DCDC2: variants seen among roughly 807,000 people sequenced by gnomAD.
DCDC2 encodes doublecortin domain-containing protein 2.
A neutral mutation model predicts 50.2 loss-of-function variants in DCDC2; 40 were observed. The observed-to-expected ratio is 0.80, with a 90% CI of 0.62 to 1.04. The LOEUF (loss-of-function observed/expected upper bound fraction) is 1.04, where lower values mean the gene tolerates loss of function less well. Among genes scored for constraint, DCDC2 ranks in the 50% least tolerant of loss-of-function variants. DCDC2 has a pLI of 0.00. For synonymous variants in DCDC2, 234 were observed against 210.6 expected (o/e 1.11, Z -0.96); for missense variants, 570 against 581.9 (o/e 0.98, Z 0.21).
At chr6:24,259,044 T>C (rs1417415) in intron 7 of DCDC2, among the ~76,000 whole-genome samples, 150,795 of 152,260 alleles carry the variant, frequency 0.99, 74,690 homozygotes, top group Middle Eastern at 1. Context: ...TTTGTTCATA[T>C]TATGAACTCC....
chr6:24,380,280 T>C, the DCDC2 span, among the ~76,000 whole-genome samples: 1 of 152,210 alleles, frequency 6.6e-6, no homozygotes, highest in Non-Finnish European at 1.5e-5. Context: ...TTATTTGTAA[T>C]GCCAGAAGTA....
chr6:24,275,774 A>G (rs1444909277), intron 7 of DCDC2, among the ~76,000 whole-genome samples: 1 of 152,140 alleles, frequency 6.6e-6, no homozygotes, highest in Non-Finnish European at 1.5e-5. Flanking sequence ...TGCTTCAATA[A>G]TAAACACTTT....
At chr6:24,251,638 C>T (rs920133059) in intron 7 of DCDC2, among the ~76,000 whole-genome samples, 6 of 152,172 alleles carry the variant, frequency 3.9e-5, no homozygotes, top group Non-Finnish European at 8.8e-5. Context: ...ATTCTGACAC[C>T]TGTGTCTGAA....
At chr6:24,383,037 A>G in the DCDC2 span, among the ~76,000 whole-genome samples, 7 of 152,116 alleles carry the variant, frequency 4.6e-5, no homozygotes, top group African/African-American at 1.7e-4. Context: ...AAAGAAAACT[A>G]CCCCCTAGGC....
rs555792245 is a variant in DCDC2, at chr6:24,215,155, G to A, written c.923-10053C>T. Among the ~76,000 whole-genome samples the A allele has an allele frequency of 7.2e-5, 11 of 152,230 alleles. No homozygotes were observed. In the East Asian group the frequency reaches 1.4e-3, roughly 19 times the overall value. On this transcript the variant is annotated intron_variant, in intron 7 of 9. Coordinates refer to ENST00000378454, the MANE Select transcript of DCDC2 (RefSeq NM_016356.5). ...GAGAACAAAGAAGGCTGTGAGAGAC[G>A]GAAGCTACAAATCAAAAGACAAGAC...
intron 6 of DCDC2, among the ~76,000 whole-genome samples, chr6:24,281,983 C>G (rs67939976): frequency 6.6e-6 from 1 of 152,042 alleles, no homozygotes; most frequent in Non-Finnish European, 1.5e-5. Flanking sequence ...ACTCCTATTA[C>G]ATAGTATGGT....
At chr6:24,175,185 G>A (rs1760875711) in intron 9 of DCDC2, among the ~76,000 whole-genome samples, 1 of 152,108 alleles carries the variant, frequency 6.6e-6, no homozygotes, top group Non-Finnish European at 1.5e-5. Flanking sequence ...GACAAAGGAA[G>A]AAAAAATTCA....
intron 7 of DCDC2, among the ~76,000 whole-genome samples, chr6:24,222,004 A>C (rs773475721): frequency 5.3e-5 from 8 of 152,234 alleles, no homozygotes; most frequent in Non-Finnish European, 1.0e-4. Context: ...GGATGAGAAG[A>C]AGCAAATTCG....
chr6:24,175,815 G>T (rs547518651), intron 9 of DCDC2, among the ~76,000 whole-genome samples: 1 of 152,244 alleles, frequency 6.6e-6, no homozygotes, highest in South Asian at 2.1e-4. Flanking sequence ...CAGTCCTTCT[G>T]TAAAAGTTAA....
Position 24,173,855 on chromosome 6 carries a change from G to A in DCDC2, c.*875C>T, listed in dbSNP as rs1394590341. On this transcript the variant is annotated 3_prime_UTR_variant, in exon 10 of 10. Coordinates refer to ENST00000378454, the MANE Select transcript of DCDC2 (RefSeq NM_016356.5). ...TTCTTCCTAATACACTTTTATTTTTGTTGAAAACTATTTGAAAATAATTTA... is the reference window on the plus strand; with the variant it reads ...TTCTTCCTAATACACTTTTATTTTTATTGAAAACTATTTGAAAATAATTTA... 1 of 152,052 alleles carries A rather than the reference G, an allele frequency of 6.6e-6. No homozygotes were observed. The highest frequency in any genetic ancestry group is 1.5e-5 in the Non-Finnish European group (1 of 68,002). 9.4% of individuals were successfully genotyped at this position (152,052 alleles called of 1,614,324 possible).
At chr6:24,229,010 G>C (rs554654218) in intron 7 of DCDC2, among the ~76,000 whole-genome samples, 1 of 152,186 alleles carries the variant, frequency 6.6e-6, no homozygotes, top group Admixed American at 6.5e-5. Context: ...AGAAATCATA[G>C]CACTGCTAAG....
chr6:24,282,919 T>G (rs1763509492), intron 6 of DCDC2, among the ~76,000 whole-genome samples: 1 of 152,200 alleles, frequency 6.6e-6, no homozygotes, highest in Admixed American at 6.5e-5. Context: ...GGAATTCATC[T>G]TAATATGTGT....
intron 8 of DCDC2, among the ~76,000 whole-genome samples, chr6:24,197,567 T>G (rs960378023): frequency 3.9e-5 from 6 of 152,242 alleles, no homozygotes; most frequent in African/African-American, 4.8e-5. Context: ...AACTGGAGTT[T>G]ATGAAAAATT....
At chr6:24,298,106 A>T (rs1470505291) in intron 4 of DCDC2, among the ~76,000 whole-genome samples, 1 of 152,230 alleles carries the variant, frequency 6.6e-6, no homozygotes, top group Non-Finnish European at 1.5e-5. Flanking sequence ...ACATTGTTCC[A>T]CCTCAAATCA....
intron 7 of DCDC2, among the ~76,000 whole-genome samples, chr6:24,250,663 A>G (rs1762778122): frequency 6.6e-6 from 1 of 152,236 alleles, no homozygotes. Flanking sequence ...CTGCTTTAGA[A>G]GAACAGAAAT....
intron 8 of DCDC2, among the ~76,000 whole-genome samples, chr6:24,198,720 C>A (rs1019335642): frequency 2.0e-5 from 3 of 152,110 alleles, no homozygotes; most frequent in Non-Finnish European, 2.9e-5. Context: ...CTCAGTGGAT[C>A]CCACCCCCAT....
At chr6:24,298,619 T>C (rs1430372057) in intron 4 of DCDC2, among the ~76,000 whole-genome samples, 1 of 152,162 alleles carries the variant, frequency 6.6e-6, no homozygotes, top group Non-Finnish European at 1.5e-5. Flanking sequence ...GTTAATTAAG[T>C]CAAAAATATA....
chr6:24,272,419 CA>C (rs1763257290), intron 7 of DCDC2, among the ~76,000 whole-genome samples: 1 of 152,054 alleles, frequency 6.6e-6, no homozygotes, highest in South Asian at 2.1e-4. Context: ...TACACATTGC[CA>C]TTGAGATGGG....
the DCDC2 span, among the ~76,000 whole-genome samples, chr6:24,367,083 A>T: frequency 0.011 from 1,607 of 152,266 alleles, 10 homozygotes; most frequent in South Asian, 0.021. Context: ...CAATCCCCCC[A>T]TCTTGGCCTC....
Sources: allele counts gnomAD v4.1 joint callset (sites outside exome capture counted in the v4.1 genomes callset), GRCh38; gene constraint gnomAD v4.1.1; transcripts MANE v1.5; gene names NCBI Gene and HGNC (gene_info 2026-07-23, HGNC 2026-07-21).